MECOM: variants seen among roughly 807,000 people sequenced by gnomAD.
The protein encoded by MECOM is MDS1 and EVI1 complex locus, also known as histone-lysine N-methyltransferase MECOM.
A neutral mutation model predicts 116.3 loss-of-function variants in MECOM; 13 were observed. The ratio of observed to expected loss-of-function variants is 0.11; its 90% CI spans 0.07 to 0.18. MECOM has a LOEUF of 0.18. MECOM is among the 10% of genes least tolerant of loss of function. MECOM has a pLI of 1.00. For synonymous variants in MECOM, 528 were observed against 535.2 expected (o/e 0.99, Z 0.19); for missense variants, 1,299 against 1,509.0 (o/e 0.86, Z 2.31).
In MECOM at chr3:169,569,791, A is replaced by T. The variant is rs182929982; in HGVS notation, c.37+93545T>A. Among the ~76,000 whole-genome samples the T allele has an allele frequency of 4.3e-4, 65 of 152,126 alleles. No individual in the cohort carries two copies. In the East Asian group the frequency reaches 7.0e-3, roughly 16 times the overall value. ...AGTTCTTTGAAACTTATTTCAAAGA[A>T]CTTTGAGAACAAAGACACAACATAC... On this transcript the variant is annotated intron_variant, in intron 1 of 16. Transcript: ENST00000651503.
In MECOM at chr3:169,472,518, G is replaced by GAAAAGAAAAGA. The variant is rs1749522201; in HGVS notation, c.38-90995_38-90994insTCTTTTCTTTT. 8.6e-5 allele frequency among the ~76,000 whole-genome samples: 6 copies of GAAAAGAAAAGA among 70,128 alleles called. 1 individual carries two copies. The highest frequency in any genetic ancestry group is 3.0e-4 in the African/African-American group (4 of 13,446). 46.0% of individuals were successfully genotyped at this position (70,128 alleles called of 152,430 possible). A position where few individuals can be genotyped will look rare whatever the true frequency, so the allele number is the denominator to read the frequency against. ...GAAAGGAAAGGAAAGGAAAGGAAAG[G>GAAAAGAAAAGA]AAAGAAAAGAAAAGAAAAGGAAAGG... is the stretch of plus-strand genomic sequence containing the variant. On this transcript the variant is annotated intron_variant, in intron 1 of 16. Coordinates refer to ENST00000651503, the MANE Select transcript of MECOM (RefSeq NM_004991.4).
chr3:169,638,809 T>C (rs995708209), intron 1 of MECOM, among the ~76,000 whole-genome samples: 4 of 152,200 alleles, frequency 2.6e-5, no homozygotes, highest in African/African-American at 9.7e-5. Context: ...CATGCCGCCT[T>C]CCACAGGTTG....
At chr3:169,108,553 T>A (rs1726217981) in intron 9 of MECOM, among the ~76,000 whole-genome samples, 1 of 152,126 alleles carries the variant, frequency 6.6e-6, no homozygotes, top group South Asian at 2.1e-4. Context: ...AAACCTTCAG[T>A]GGGTTAGAAG....
intron 8 of MECOM, among the ~76,000 whole-genome samples, chr3:169,115,179 A>G (rs954937436): frequency 3.3e-5 from 5 of 152,154 alleles, no homozygotes; most frequent in African/African-American, 9.7e-5. Context: ...CCTATTCCAA[A>G]CCCCCAACTT....
rs768835713 is a variant in MECOM, at chr3:169,116,366, C to T, written c.1506G>A (p.Arg502=). 6.2e-7 allele frequency: 1 copy of T among 1,614,140 alleles called. No individual in the cohort carries two copies. The highest frequency in any genetic ancestry group is 1.1e-5 in the South Asian group (1 of 91,080). The change falls in exon 8 of 17, where the codon AGG becomes AGA. Residue 502 remains arginine, a synonymous_variant. Coordinates refer to ENST00000651503, the MANE Select transcript of MECOM (RefSeq NM_004991.4). ...PGLFPSGLYH[R]PPLIPASSPV... The stretch of plus-strand genomic sequence containing the variant: ...GAGAACTAGCAGGTATCAAAGGAGG[C>T]CTGTGGTACAAGCCGGAAGGAAACA...
intron 6 of MECOM, among the ~76,000 whole-genome samples, chr3:169,121,660 CTCTT>C (rs1731069316): frequency 6.6e-6 from 1 of 152,140 alleles, no homozygotes; most frequent in Non-Finnish European, 1.5e-5. Flanking sequence ...AATTCTAACA[CTCTT>C]TCAGTGAGTT....
intron 2 of MECOM, among the ~76,000 whole-genome samples, chr3:169,368,716 A>G (rs890285040): frequency 6.6e-6 from 1 of 152,060 alleles, no homozygotes; most frequent in Non-Finnish European, 1.5e-5. Flanking sequence ...ATTCTAGAAT[A>G]TTAAGCATCA....
At chr3:169,097,448 A>G (rs1451775579) in intron 12 of MECOM, among the ~76,000 whole-genome samples, 1 of 152,154 alleles carries the variant, frequency 6.6e-6, no homozygotes, top group Non-Finnish European at 1.5e-5. Flanking sequence ...CATGGGCAGT[A>G]TACTATTAAG....
intron 2 of MECOM, among the ~76,000 whole-genome samples, chr3:169,280,910 T>C (rs575234568): frequency 1.3e-5 from 2 of 152,254 alleles, no homozygotes; most frequent in South Asian, 4.2e-4. Context: ...GAAGAGAACA[T>C]ATTTGAGAGA....
rs367681844 is a variant in MECOM, at chr3:169,251,935, A to G, written c.376-108103T>C. On this transcript the variant is annotated intron_variant, in intron 2 of 16. Coordinates refer to ENST00000651503, the MANE Select transcript of MECOM (RefSeq NM_004991.4). Reference sequence around the variant, plus strand: ...AACCATATATTACAATGTAATATACAGATAATACAAACATGTATTCTATAC... The same window carrying G: ...AACCATATATTACAATGTAATATACGGATAATACAAACATGTATTCTATAC... 2.6e-5 allele frequency among the ~76,000 whole-genome samples: 4 copies of G among 152,358 alleles called. No homozygotes were observed. The East Asian group carries it at 7.7e-4, about 29-fold the overall frequency.
chr3:169,194,729 C>G (rs973687515), intron 2 of MECOM, among the ~76,000 whole-genome samples: 1 of 151,994 alleles, frequency 6.6e-6, no homozygotes, highest in Admixed American at 6.6e-5. Context: ...CCAGGCTGTG[C>G]CAGAATTTGC....
chr3:169,448,651 T>A (rs367867713), intron 1 of MECOM, among the ~76,000 whole-genome samples: 5 of 152,250 alleles, frequency 3.3e-5, no homozygotes, highest in Admixed American at 6.5e-5. Context: ...GGAGTTTGCA[T>A]CCTGATTTCC....
At chr3:169,558,056 C>T (rs1013099400) in intron 1 of MECOM, among the ~76,000 whole-genome samples, 1 of 152,106 alleles carries the variant, frequency 6.6e-6, no homozygotes, top group Admixed American at 6.5e-5. Context: ...ATAATTCATA[C>T]CTTTGTTGAT....
At position 169,131,690 on chromosome 3, in the gene MECOM, A is replaced by G. The variant is rs932171456; in HGVS notation, c.511-159T>C. The stretch of plus-strand genomic sequence containing the variant: ...AAAGAAGTGTGATTTCCTGTTTTAT[A>G]TATTGAAAACCAGCCCTCTGGTGAC... On this transcript the variant is annotated intron_variant, in intron 3 of 16. Transcript: ENST00000651503. 5 of 693,668 alleles carry G rather than the reference A, an allele frequency of 7.2e-6. No homozygotes were observed. The East Asian group carries it at 1.1e-4, about 16-fold the overall frequency. 43.0% of individuals were successfully genotyped at this position (693,668 alleles called of 1,614,324 possible).
intron 1 of MECOM, among the ~76,000 whole-genome samples, chr3:169,432,847 T>TA (rs1741865470): frequency 6.6e-6 from 1 of 152,228 alleles, no homozygotes; most frequent in Non-Finnish European, 1.5e-5. Flanking sequence ...TGTTCTATTC[T>TA]GTGCCAAGAT....
chr3:169,529,661 T>G (rs1758362126), intron 1 of MECOM, among the ~76,000 whole-genome samples: 1 of 152,226 alleles, frequency 6.6e-6, no homozygotes, highest in Admixed American at 6.5e-5. Flanking sequence ...CTAAGCCAGG[T>G]GCTAGCTGGG....
intron 1 of MECOM, among the ~76,000 whole-genome samples, chr3:169,579,908 A>G (rs1187986128): frequency 6.6e-6 from 1 of 152,204 alleles, no homozygotes; most frequent in Non-Finnish European, 1.5e-5. Flanking sequence ...CATCTCATTT[A>G]TATCCATCTT....
At chr3:169,588,893 T>C (rs1488686999) in intron 1 of MECOM, among the ~76,000 whole-genome samples, 2 of 152,156 alleles carry the variant, frequency 1.3e-5, no homozygotes, top group African/African-American at 4.8e-5. Flanking sequence ...TCTCAGAATA[T>C]GAAAATGTAC....
At chr3:169,281,767 G>A (rs1157410936) in intron 2 of MECOM, among the ~76,000 whole-genome samples, 2 of 152,076 alleles carry the variant, frequency 1.3e-5, no homozygotes, top group African/African-American at 4.8e-5. Flanking sequence ...AGCTGAGATT[G>A]TAACACTGCA....
Sources: gnomAD v4.1 joint callset for allele counts (sites outside exome capture counted in the v4.1 genomes callset) on GRCh38, gnomAD v4.1.1 for gene constraint, MANE v1.5 for transcripts, NCBI Gene and HGNC (gene_info 2026-07-23, HGNC 2026-07-21) for gene names.